Variants in COL22A1 observed in about 807,000 individuals in gnomAD.
COL22A1 encodes the protein collagen alpha-1(XXII) chain.
In COL22A1, 221 loss-of-function variants were observed where a neutral mutation model predicts 248.9. The observed-to-expected ratio is 0.89, with a 90% confidence interval of 0.80 to 0.99. The LOEUF (loss-of-function observed/expected upper bound fraction) is 0.99, where lower values mean the gene tolerates loss of function less well. COL22A1 is among the 50% of genes least tolerant of loss of function. The probability of loss-of-function intolerance (pLI) is 0.00; values close to 1 mark genes in which losing one functional copy is unlikely to be tolerated. For synonymous variants in COL22A1, 891 were observed against 793.4 expected (o/e 1.12, Z -2.07); for missense variants, 2,240 against 2,179.0 (o/e 1.03, Z -0.56).
At chr8:138,648,286 C>T (rs1314367673) in intron 46 of COL22A1, among the ~76,000 whole-genome samples, 1 of 152,132 alleles carries the variant, frequency 6.6e-6, no homozygotes, top group African/African-American at 2.4e-5. Context: ...GTGGCATGCC[C>T]ACGGGGTCTA....
At chr8:138,892,234 G>A (rs1196853812) in intron 1 of COL22A1, among the ~76,000 whole-genome samples, 1 of 152,208 alleles carries the variant, frequency 6.6e-6, no homozygotes, top group African/African-American at 2.4e-5. Context: ...GAAATAAATG[G>A]AGTGTTCATA....
At chr8:138,721,457 G>C (rs1399022508) in intron 26 of COL22A1, among the ~76,000 whole-genome samples, 2 of 152,106 alleles carry the variant, frequency 1.3e-5, no homozygotes, top group African/African-American at 4.8e-5. Flanking sequence ...TTTAACCTTT[G>C]ACTCTTACCT....
chr8:138,882,913 G>A (rs1445217173), intron 2 of COL22A1, among the ~76,000 whole-genome samples, 169 bp downstream of exon 2: 2 of 152,092 alleles, frequency 1.3e-5, no homozygotes, highest in African/African-American at 2.4e-5. Context: ...GTGATTTTTT[G>A]TCCCTAGGTT....
At chr8:138,822,348 C>T (rs1053192270) in intron 6 of COL22A1, among the ~76,000 whole-genome samples, 4 of 152,118 alleles carry the variant, frequency 2.6e-5, no homozygotes, top group African/African-American at 7.2e-5. Flanking sequence ...CCGTGCTCAG[C>T]CTGATTGCTT....
intron 1 of COL22A1, among the ~76,000 whole-genome samples, 160 bp downstream of exon 1, chr8:138,913,459 C>G (rs559247256): frequency 5.3e-5 from 8 of 152,290 alleles, no homozygotes; most frequent in Admixed American, 5.2e-4. Context: ...GCGAAGTGTG[C>G]TCAGGCTTCA....
intron 22 of COL22A1, among the ~76,000 whole-genome samples, chr8:138,743,429 ATC>A: frequency 6.6e-6 from 1 of 150,380 alleles, no homozygotes; most frequent in Non-Finnish European, 1.5e-5. Context: ...GGTGGTAGTG[ATC>A]ATGATGGTGA....
chr8:138,829,413 T>TTG lies in COL22A1; in HGVS notation c.846-2633_846-2632insCA, dbSNP rs1554640293. Among the ~76,000 whole-genome samples the TTG allele has an allele frequency of 2.2e-3, 314 of 140,190 alleles. 1 individual carries two copies. The highest frequency in any genetic ancestry group is 7.8e-3 in the African/African-American group (295 of 38,032). 92.0% of individuals were successfully genotyped at this position (140,190 alleles called of 152,430 possible). On this transcript the variant is annotated intron_variant, in intron 5 of 64. Transcript: ENST00000303045. ...TTTCCTTCCTTTCCTGTTTTTTTTT[T>TTG]TTTTTTTTTTTGAGACAGAGTCTCG... is the stretch of plus-strand genomic sequence containing the variant.
Position 138,691,302 on chromosome 8 carries a change from CGT to C in COL22A1, c.2755-430_2755-429del, listed in dbSNP as rs1432789867. ...ATATGTATGTGTATGTGTGCACGTGCGTGTGTGCAGGTTTGTGGAAGCGTATG... is the reference window on the plus strand; with the variant it reads ...ATATGTATGTGTATGTGTGCACGTGCGTGTGCAGGTTTGTGGAAGCGTATG... On this transcript the variant is annotated intron_variant, in intron 35 of 64. Coordinates refer to ENST00000303045, the MANE Select transcript of COL22A1 (RefSeq NM_152888.3). Among the ~76,000 whole-genome samples, 6 of 152,036 alleles carry C rather than the reference CGT, an allele frequency of 3.9e-5. No homozygotes were observed. The East Asian group carries it at 5.8e-4, about 15-fold the overall frequency.
intron 47 of COL22A1, among the ~76,000 whole-genome samples, chr8:138,639,627 A>T (rs1352168100): frequency 6.6e-6 from 1 of 152,118 alleles, no homozygotes; most frequent in Admixed American, 6.5e-5. Flanking sequence ...TACTTTTGAA[A>T]ACTTGTTATT....
intron 1 of COL22A1, among the ~76,000 whole-genome samples, chr8:138,896,504 TATAA>T (rs1398275361): frequency 4.6e-5 from 7 of 152,090 alleles, no homozygotes; most frequent in African/African-American, 1.7e-4. Flanking sequence ...TCAAAAACAT[TATAA>T]ATAAATAAAA....
chr8:138,888,826 A>G (rs1449464023), intron 1 of COL22A1, among the ~76,000 whole-genome samples: 1 of 152,160 alleles, frequency 6.6e-6, no homozygotes, highest in Non-Finnish European at 1.5e-5. Flanking sequence ...GACTTGTCGG[A>G]CTTGTCCATT....
At chr8:138,761,641 T>C (rs13280699) in intron 17 of COL22A1, among the ~76,000 whole-genome samples, 31,771 of 151,954 alleles carry the variant, frequency 0.21, 3,375 homozygotes, top group Non-Finnish European at 0.22. Flanking sequence ...TTGATGTATA[T>C]GTTAAATTAT....
In COL22A1 at chr8:138,835,576, G is replaced by A. The variant is rs138257686; in HGVS notation, c.734-2426C>T. Among the ~76,000 whole-genome samples the A allele has an allele frequency of 1.4e-3, 209 of 152,244 alleles. 1 individual carries two copies. The highest frequency in any genetic ancestry group is 4.3e-3 in the African/African-American group (180 of 41,546). ...AGACAGGGCCCAGCTTGCTGAGTTC[G>A]CCACCCTATCCCCCTCAGGACCTGC... On this transcript the variant is annotated intron_variant, in intron 4 of 64. Coordinates refer to ENST00000303045, the MANE Select transcript of COL22A1 (RefSeq NM_152888.3).
chr8:138,897,958 A>G (rs1814249512), intron 1 of COL22A1, among the ~76,000 whole-genome samples: 1 of 152,030 alleles, frequency 6.6e-6, no homozygotes, highest in African/African-American at 2.4e-5. Flanking sequence ...GGTGTCTGGC[A>G]AGTGCTTGCT....
chr8:138,653,396 A>G (rs1822934567), intron 45 of COL22A1, among the ~76,000 whole-genome samples: 1 of 152,220 alleles, frequency 6.6e-6, no homozygotes, highest in Non-Finnish European at 1.5e-5. Flanking sequence ...GCTACGCGTA[A>G]GGCTTCAGAG....
At chr8:138,657,092 T>A (rs951554250) in intron 44 of COL22A1, among the ~76,000 whole-genome samples, 1 of 152,154 alleles carries the variant, frequency 6.6e-6, no homozygotes, top group African/African-American at 2.4e-5. Context: ...TCTGGGCTAT[T>A]GAAAGAGGGA....
intron 6 of COL22A1, among the ~76,000 whole-genome samples, chr8:138,824,188 T>C (rs760852767): frequency 6.6e-5 from 10 of 152,240 alleles, no homozygotes; most frequent in Non-Finnish European, 1.3e-4. Context: ...ATTTCATATG[T>C]TCGAGCACTG....
chr8:138,692,426 CG>C (rs1207815942), intron 35 of COL22A1, among the ~76,000 whole-genome samples: 12 of 122,458 alleles, frequency 9.8e-5, no homozygotes, highest in Non-Finnish European at 1.7e-4. Flanking sequence ...TGTGCACGTA[CG>C]TGTGTGCATG....
intron 27 of COL22A1, among the ~76,000 whole-genome samples, chr8:138,719,251 G>GA (rs113252888): frequency 1.2e-3 from 176 of 150,812 alleles, no homozygotes; most frequent in Middle Eastern, 6.8e-3. Context: ...GGACAGGCAT[G>GA]AAAAAAAAAC....
Sources: allele counts gnomAD v4.1 joint callset (sites outside exome capture counted in the v4.1 genomes callset), GRCh38; gene constraint gnomAD v4.1.1; transcripts MANE v1.5; gene names NCBI Gene and HGNC (gene_info 2026-07-23, HGNC 2026-07-21).